DNER: variants seen among roughly 807,000 people sequenced by gnomAD.
DNER encodes the protein delta and Notch-like epidermal growth factor-related receptor.
A neutral mutation model predicts 78.2 loss-of-function variants in DNER; 33 were observed. The ratio of observed to expected loss-of-function variants is 0.42; its 90% CI spans 0.32 to 0.56. DNER has a LOEUF of 0.56. Ranked by LOEUF, DNER falls within the 20% of genes least tolerant of loss-of-function variation. The pLI is 0.11. For missense variants in DNER, 918 were observed against 975.3 expected (o/e 0.94, Z 0.78); for synonymous variants, 417 against 384.8 (o/e 1.08, Z -0.98).
intron 11 of DNER, among the ~76,000 whole-genome samples, chr2:229,378,372 C>T (rs1427553522): frequency 2.6e-5 from 4 of 152,150 alleles, no homozygotes; most frequent in African/African-American, 9.7e-5. Context: ...AAGAAGGCAG[C>T]TGTGCTAAAA....
At chr2:229,514,349 T>C (rs886187480) in intron 5 of DNER, among the ~76,000 whole-genome samples, 6 of 152,162 alleles carry the variant, frequency 3.9e-5, no homozygotes, top group African/African-American at 9.7e-5. Flanking sequence ...CAAATAGTAA[T>C]AATGTCATCT....
chr2:229,606,571 G>T (rs1201085035), intron 1 of DNER, among the ~76,000 whole-genome samples: 4 of 151,928 alleles, frequency 2.6e-5, no homozygotes, highest in Non-Finnish European at 5.9e-5. Flanking sequence ...CCTTCATGTG[G>T]ACATCCTAAA....
chr2:229,387,988 T>A (rs1448648107), intron 11 of DNER, among the ~76,000 whole-genome samples: 1 of 152,132 alleles, frequency 6.6e-6, no homozygotes, highest in Non-Finnish European at 1.5e-5. Flanking sequence ...CAGTGAACTC[T>A]GGATGACATC....
chr2:229,656,514 A>G (rs1235784252), intron 1 of DNER, among the ~76,000 whole-genome samples: 2 of 152,108 alleles, frequency 1.3e-5, no homozygotes, highest in African/African-American at 4.8e-5. Context: ...GCCAACCACA[A>G]TGTGAGCCTG....
chr2:229,586,831 T>C (rs1350303225), intron 3 of DNER: 3 of 985,814 alleles, frequency 3.0e-6, no homozygotes, highest in Non-Finnish European at 3.6e-6. Flanking sequence ...AAGATCACAG[T>C]AGACTCCGCA....
chr2:229,482,455 A>G lies in DNER; in HGVS notation c.1148-5202T>C, dbSNP rs559877907. 1.2e-4 allele frequency among the ~76,000 whole-genome samples: 18 copies of G among 152,344 alleles called. No homozygotes were observed. The East Asian group carries it at 2.9e-3, about 24-fold the overall frequency. ...AACCCAAACACTTTACCCAGGGGCT[A>G]AAAGATACCGCACGGTGTGGCCCCT... On this transcript the variant is annotated intron_variant, in intron 6 of 12. Transcript: ENST00000341772.
intron 1 of DNER, among the ~76,000 whole-genome samples, chr2:229,672,607 G>T (rs923117801): frequency 6.6e-6 from 1 of 151,464 alleles, no homozygotes; most frequent in Admixed American, 6.6e-5. Context: ...AAAGGATGAG[G>T]GAGGGAGAGA....
intron 8 of DNER, among the ~76,000 whole-genome samples, chr2:229,439,310 G>T (rs1196176271): frequency 6.6e-6 from 1 of 152,206 alleles, no homozygotes; most frequent in Non-Finnish European, 1.5e-5. Flanking sequence ...AATGTCCTCA[G>T]TGGTCTTTCC....
At chr2:229,598,928 T>C (rs569307026) in intron 1 of DNER, among the ~76,000 whole-genome samples, 1 of 152,216 alleles carries the variant, frequency 6.6e-6, no homozygotes, top group South Asian at 2.1e-4. Context: ...GCCACTAAGC[T>C]TGATGGCAGT....
intron 4 of DNER, among the ~76,000 whole-genome samples, chr2:229,552,571 CT>C (rs1460103186): frequency 6.6e-6 from 1 of 152,116 alleles, no homozygotes; most frequent in East Asian, 1.9e-4. Flanking sequence ...TTATAAGGGG[CT>C]TTTCCCCCTT....
At chr2:229,634,689 T>C (rs1415687407) in intron 1 of DNER, among the ~76,000 whole-genome samples, 1 of 152,202 alleles carries the variant, frequency 6.6e-6, no homozygotes, top group Non-Finnish European at 1.5e-5. Flanking sequence ...AATTGGGAAC[T>C]GGGGAATTGC....
intron 5 of DNER, among the ~76,000 whole-genome samples, chr2:229,535,835 G>A (rs1023064836): frequency 2.0e-5 from 3 of 152,068 alleles, no homozygotes; most frequent in Admixed American, 1.3e-4. Flanking sequence ...GTTGAGACGG[G>A]GTTTCACCAT....
chr2:229,683,874 G>A (rs1699430411), intron 1 of DNER, among the ~76,000 whole-genome samples: 1 of 152,100 alleles, frequency 6.6e-6, no homozygotes, highest in Non-Finnish European at 1.5e-5. Flanking sequence ...CTGTACAGCA[G>A]GGACAAGGGC....
intron 6 of DNER, among the ~76,000 whole-genome samples, chr2:229,486,047 G>C (rs1239842699): frequency 2.0e-5 from 3 of 152,186 alleles, no homozygotes; most frequent in Non-Finnish European, 2.9e-5. Context: ...ACCCTGGGGG[G>C]ATCTGAGCAG....
intron 12 of DNER, among the ~76,000 whole-genome samples, chr2:229,359,044 C>T (rs1172548881): frequency 6.6e-6 from 1 of 152,118 alleles, no homozygotes; most frequent in East Asian, 1.9e-4. Flanking sequence ...TATAGAACAC[C>T]AGGGCAGTCT....
intron 10 of DNER, among the ~76,000 whole-genome samples, chr2:229,394,820 C>G (rs924540596): frequency 6.6e-6 from 1 of 152,188 alleles, no homozygotes; most frequent in African/African-American, 2.4e-5. Flanking sequence ...CTAAAGAGCT[C>G]TATTGTCAAA....
rs374418036 is a variant in DNER, at chr2:229,361,914, G to A, written c.2103-3263C>T. 5.3e-5 allele frequency among the ~76,000 whole-genome samples: 8 copies of A among 151,802 alleles called. No homozygotes were observed. The East Asian group carries it at 5.8e-4, about 11-fold the overall frequency. ...ATGTTTCTTCTGTGCTGGGTGGGGCGGGCTGGGTGGAACACTTAGTGTTCA... is the reference window on the plus strand; with the variant it reads ...ATGTTTCTTCTGTGCTGGGTGGGGCAGGCTGGGTGGAACACTTAGTGTTCA... On this transcript the variant is annotated intron_variant, in intron 12 of 12. Transcript: ENST00000341772.
chr2:229,465,509 C>G (rs1383150830), intron 7 of DNER, among the ~76,000 whole-genome samples: 1 of 151,998 alleles, frequency 6.6e-6, no homozygotes, highest in Non-Finnish European at 1.5e-5. Flanking sequence ...ATAGGTGCAG[C>G]AAATCACCAT....
chr2:229,675,275 T>C (rs1699283391), intron 1 of DNER, among the ~76,000 whole-genome samples: 1 of 152,256 alleles, frequency 6.6e-6, no homozygotes, highest in African/African-American at 2.4e-5. Flanking sequence ...TCTGAACTGC[T>C]GCCGATGATG....
Sources: allele counts gnomAD v4.1 joint callset (sites outside exome capture counted in the v4.1 genomes callset), GRCh38; gene constraint gnomAD v4.1.1; transcripts MANE v1.5; gene names NCBI Gene and HGNC (gene_info 2026-07-23, HGNC 2026-07-21).